The following USP34 variants were observed in gnomAD, a reference collection of about 807,000 sequenced individuals.
USP34 encodes the protein ubiquitin specific peptidase 34, also known as ubiquitin carboxyl-terminal hydrolase 34.
In USP34, 70 loss-of-function variants were observed where a neutral mutation model predicts 460.3. The ratio of observed to expected loss-of-function variants is 0.15; its 90% CI spans 0.13 to 0.19. USP34 has a LOEUF of 0.19. Ranked by LOEUF, USP34 falls within the 10% of genes least tolerant of loss-of-function variation. The pLI is 1.00. For synonymous variants in USP34, 1,647 were observed against 1,405.3 expected, an observed-to-expected ratio of 1.17 and a Z score of -3.85; for missense variants, 3,985 against 4,236.2, an observed-to-expected ratio of 0.94 and a Z score of 1.65.
At chr2:61,201,197 C>T (rs957507087) in intron 75 of USP34, among the ~76,000 whole-genome samples, 3 of 150,708 alleles carry the variant, frequency 2.0e-5, no homozygotes, top group Admixed American at 1.3e-4. Context: ...AGAATATTTC[C>T]ATCCTCATAG....
chr2:61,405,275 A>C (rs1025242988), intron 3 of USP34, among the ~76,000 whole-genome samples: 2 of 151,370 alleles, frequency 1.3e-5, no homozygotes, highest in African/African-American at 4.9e-5. Flanking sequence ...AGAAAGAAAG[A>C]AAAGGAAATA....
At chr2:61,223,330 T>C (rs752300752) in intron 62 of USP34, 34 bp from the exon 63 acceptor site, 61 of 1,600,134 alleles carry the variant, frequency 3.8e-5, no homozygotes, top group Non-Finnish European at 5.1e-5. Flanking sequence ...TAAGTTTTTC[T>C]TCCTTCTGTA....
chr2:61,356,475 GCACACACACA>G (rs70963416), intron 10 of USP34, among the ~76,000 whole-genome samples: 8 of 128,332 alleles, frequency 6.2e-5, no homozygotes, highest in Admixed American at 1.7e-4. Context: ...GGGTGAAAGC[GCACACACACA>G]CACACACACA....
At chr2:61,386,277 A>C (rs1693142430) in intron 5 of USP34, among the ~76,000 whole-genome samples, 1 of 152,162 alleles carries the variant, frequency 6.6e-6, no homozygotes, top group Non-Finnish European at 1.5e-5. Context: ...TTCAACACTA[A>C]CCTGTGCAAC....
In USP34 at chr2:61,277,873, C is replaced by G. The variant is rs1689417677; in HGVS notation, c.5433+292G>C. On this transcript the variant is annotated intron_variant, in intron 41 of 79. Coordinates refer to ENST00000398571, the MANE Select transcript of USP34 (RefSeq NM_014709.4). ...GATAAGTGAATAAGTCTCTTGAGAT[C>G]TGATGGTTTTATAAGGAGAAACCGC... 6.7e-6 allele frequency: 2 copies of G among 297,734 alleles called. 1 individual carries two copies. Among genetic ancestry groups the G allele is most frequent in the East Asian group, 1.5e-4 (2 of 13,400 alleles). The allele number at this position is 297,734 out of a possible 1,614,324, so 18.4% of individuals were successfully genotyped here. A position where few individuals can be genotyped will look rare whatever the true frequency, so the allele number is the denominator to read the frequency against.
At chr2:61,271,195 T>C (rs992047659) in intron 41 of USP34, among the ~76,000 whole-genome samples, 5 of 151,994 alleles carry the variant, frequency 3.3e-5, no homozygotes, top group African/African-American at 1.2e-4. Flanking sequence ...CAGCTACTCT[T>C]TGGGAGGCTG....
intron 20 of USP34, among the ~76,000 whole-genome samples, chr2:61,327,183 T>A (rs562370001): frequency 6.6e-6 from 1 of 152,332 alleles, no homozygotes; most frequent in Non-Finnish European, 1.5e-5. Context: ...AATTCATTAC[T>A]GAAGTTTTAA....
intron 27 of USP34, 56 bp downstream of exon 27, chr2:61,311,484 G>GA (rs367581800): frequency 1.9e-5 from 29 of 1,502,822 alleles, no homozygotes; most frequent in South Asian, 1.4e-4. Flanking sequence ...GAAAGAGAAA[G>GA]AGAAAAAGAA....
At chr2:61,445,573 C>A (rs1043441932) in intron 1 of USP34, among the ~76,000 whole-genome samples, 4 of 150,970 alleles carry the variant, frequency 2.6e-5, no homozygotes, top group African/African-American at 4.9e-5. Context: ...AAAAATGATC[C>A]CGGATGAAAG....
In USP34 at chr2:61,190,566, A is replaced by G. The variant is rs1266687238; in HGVS notation, c.9681T>C (p.Phe3227=). Residue 3227 remains phenylalanine (F), a synonymous_variant, in exon 77 of 80, where the codon TTT becomes TTC. Coordinates refer to ENST00000398571, the MANE Select transcript of USP34 (RefSeq NM_014709.4). ...IKCILMDERT[F]LNNNIVYTFM... ...ACGTGTAGACAATGTTGTTGTTTAAAAAAGTTCTTTCATCCATTAGGATAC... is the reference window on the plus strand; with the variant it reads ...ACGTGTAGACAATGTTGTTGTTTAAGAAAGTTCTTTCATCCATTAGGATAC... 30 of 1,614,146 alleles carry G rather than the reference A, an allele frequency of 1.9e-5. No homozygotes were observed. The highest frequency in any genetic ancestry group is 2.5e-5 in the Non-Finnish European group (30 of 1,179,992).
In USP34 at chr2:61,188,723, T is replaced by C. The variant is rs755265940; in HGVS notation, c.10034-14A>G. On this transcript the variant is annotated splice_polypyrimidine_tract_variant and intron_variant, in intron 79 of 79. Coordinates refer to ENST00000398571, the MANE Select transcript of USP34 (RefSeq NM_014709.4). ...CTCCTTCATCATCTGTGAAAACACA[T>C]GCCAAAAGGGAAACTTCTCTGAAAG... is the stretch of plus-strand genomic sequence containing the variant. 26 of 1,605,376 alleles carry C rather than the reference T, an allele frequency of 1.6e-5. No homozygotes were observed. The highest frequency in any genetic ancestry group is 2.0e-5 in the Non-Finnish European group (24 of 1,176,280).
At chr2:61,337,437 C>A (rs952751614) in intron 18 of USP34, among the ~76,000 whole-genome samples, 1 of 151,216 alleles carries the variant, frequency 6.6e-6, no homozygotes, top group Admixed American at 6.6e-5. Context: ...GCAAAGAATA[C>A]GTAGTTATGT....
Position 61,470,638 on chromosome 2 carries a change from G to A in USP34, c.43+12C>T, listed in dbSNP as rs770039827. ...CCGTGCACCCCGACAGGCCGCTACC[G>A]CGGCTACTTACTTTCATTTAACACC... On this transcript the variant is annotated intron_variant, in intron 1 of 79. Transcript: ENST00000398571. 4.4e-6 allele frequency: 7 copies of A among 1,586,922 alleles called. No individual in the cohort carries two copies. Among genetic ancestry groups the A allele is most frequent in the South Asian group, 3.3e-5 (3 of 89,642 alleles).
intron 70 of USP34, chr2:61,208,329 G>A (rs1687178950): frequency 6.6e-6 from 1 of 152,232 alleles, no homozygotes; most frequent in Non-Finnish European, 1.5e-5. Flanking sequence ...GGTTGTCTCT[G>A]CCTTTCTGGA....
chr2:61,268,584 C>G (rs1047140769), intron 41 of USP34, among the ~76,000 whole-genome samples: 1 of 151,682 alleles, frequency 6.6e-6, no homozygotes, highest in South Asian at 2.1e-4. Context: ...TTTTTATACC[C>G]AGCATCAGGT....
intron 1 of USP34, among the ~76,000 whole-genome samples, chr2:61,446,885 G>A (rs1695135160): frequency 6.6e-6 from 1 of 151,812 alleles, no homozygotes; most frequent in African/African-American, 2.4e-5. Context: ...ATATACTGGT[G>A]ATCTGGAAAA....
At chr2:61,207,161 ATTG>A in intron 70 of USP34, 1 of 246,154 alleles carries the variant, frequency 4.1e-6, no homozygotes, top group Non-Finnish European at 7.8e-6. Flanking sequence ...TTGCTCTAAG[ATTG>A]TTAAGTCTTC....
intron 21 of USP34, among the ~76,000 whole-genome samples, chr2:61,323,813 TTTTAC>T (rs1338216157): frequency 1.3e-5 from 2 of 152,224 alleles, no homozygotes; most frequent in African/African-American, 4.8e-5. Context: ...TTTTGCTGTA[TTTTAC>T]TTATTTCTTG....
intron 10 of USP34, among the ~76,000 whole-genome samples, chr2:61,359,947 G>T (rs1169774102): frequency 1.3e-5 from 2 of 151,856 alleles, no homozygotes; most frequent in Middle Eastern, 3.4e-3. Flanking sequence ...ACCACACCAG[G>T]CTAATTTTTC....
Sources: gnomAD v4.1 joint callset for allele counts (sites outside exome capture counted in the v4.1 genomes callset) on GRCh38, gnomAD v4.1.1 for gene constraint, MANE v1.5 for transcripts, NCBI Gene and HGNC (gene_info 2026-07-23, HGNC 2026-07-21) for gene names.